DISC1: variants seen among roughly 807,000 people sequenced by gnomAD.
DISC1 encodes disrupted in schizophrenia 1 protein.
Under a neutral mutation model 84.5 loss-of-function variants are expected in DISC1, and 57 were observed. The observed-to-expected ratio is 0.67, with a 90% CI of 0.55 to 0.84. The LOEUF (loss-of-function observed/expected upper bound fraction) is 0.84, where lower values mean the gene tolerates loss of function less well. Ranked by LOEUF, DISC1 falls within the 40% of genes least tolerant of loss-of-function variation. DISC1 has a pLI of 0.00. For missense variants in DISC1, 1,000 were observed against 1,057.8 expected, an observed-to-expected ratio of 0.95 and a Z score of 0.76; for synonymous variants, 411 against 415.2, an observed-to-expected ratio of 0.99 and a Z score of 0.12.
intron 9 of DISC1, among the ~76,000 whole-genome samples, chr1:231,895,401 A>G (rs1221560684): frequency 6.6e-6 from 1 of 151,258 alleles, no homozygotes; most frequent in African/African-American, 2.4e-5. Flanking sequence ...TCCCCCATAT[A>G]TGTATCTCCC....
intron 3 of DISC1, among the ~76,000 whole-genome samples, chr1:231,741,846 C>T (rs115250627): frequency 0.011 from 1,616 of 152,262 alleles, 32 homozygotes; most frequent in African/African-American, 0.036. Flanking sequence ...ATCTCAAATC[C>T]GACCACTTTT....
chr1:231,996,496 T>G (rs560082662), intron 10 of DISC1, among the ~76,000 whole-genome samples: 1 of 152,322 alleles, frequency 6.6e-6, no homozygotes, highest in African/African-American at 2.4e-5. Context: ...TTTTCAAAGC[T>G]TCCAAGAAAT....
intron 6 of DISC1, among the ~76,000 whole-genome samples, chr1:231,780,822 A>G (rs1250337405): frequency 1.9e-5 from 2 of 103,600 alleles, no homozygotes; most frequent in African/African-American, 7.5e-5. Context: ...ATGGAATACT[A>G]TGCAGCCATA....
intron 10 of DISC1, among the ~76,000 whole-genome samples, chr1:232,006,371 T>TAAG (rs764870711): frequency 2.6e-5 from 4 of 152,124 alleles, no homozygotes; most frequent in Non-Finnish European, 2.9e-5. Flanking sequence ...GATAATGAAG[T>TAAG]CCAGGCTGAG....
At chr1:231,780,767 C>A (rs1344030991) in intron 6 of DISC1, among the ~76,000 whole-genome samples, 8 of 91,582 alleles carry the variant, frequency 8.7e-5, no homozygotes, top group African/African-American at 3.4e-4. Context: ...ACCCAGATGT[C>A]CATCAATGAT....
intron 1 of DISC1, among the ~76,000 whole-genome samples, chr1:231,650,002 T>C (rs764417474): frequency 2.6e-5 from 4 of 152,232 alleles, no homozygotes; most frequent in Non-Finnish European, 5.9e-5. Flanking sequence ...CTGATGGGTC[T>C]TGACTCTTTG....
intron 3 of DISC1, among the ~76,000 whole-genome samples, chr1:231,737,537 GT>G (rs892153582): frequency 6.6e-6 from 1 of 151,988 alleles, no homozygotes; most frequent in Non-Finnish European, 1.5e-5. Flanking sequence ...GGTGAGTTAT[GT>G]TTTTTTTGAC....
At chr1:232,033,577 C>G (rs939991349) in intron 12 of DISC1, among the ~76,000 whole-genome samples, 15 of 152,210 alleles carry the variant, frequency 9.9e-5, no homozygotes, top group Non-Finnish European at 8.8e-5. Flanking sequence ...TTCTGCTGCA[C>G]TCATAGGTAT....
intron 8 of DISC1, among the ~76,000 whole-genome samples, chr1:231,801,879 C>T (rs1196794669): frequency 2.7e-5 from 4 of 149,892 alleles, no homozygotes; most frequent in Admixed American, 1.3e-4. Flanking sequence ...AGTGCAATGG[C>T]GCGATCTCGG....
intron 4 of DISC1, among the ~76,000 whole-genome samples, chr1:231,756,713 A>G (rs1422698746): frequency 2.0e-5 from 3 of 152,170 alleles, no homozygotes; most frequent in Admixed American, 6.5e-5. Flanking sequence ...TCCACCAACC[A>G]GCTGTATATG....
At chr1:231,837,237 C>G (rs538805500) in intron 9 of DISC1, among the ~76,000 whole-genome samples, 3 of 152,222 alleles carry the variant, frequency 2.0e-5, no homozygotes, top group East Asian at 3.9e-4. Context: ...CTCATAATGA[C>G]AATTAGAAAG....
At chr1:231,841,161 A>T (rs1428131922) in intron 9 of DISC1, among the ~76,000 whole-genome samples, 1 of 152,246 alleles carries the variant, frequency 6.6e-6, no homozygotes. Flanking sequence ...CTCCACAGGT[A>T]ATTATGCAGA....
chr1:231,755,954 A>G (rs540865306), intron 4 of DISC1, among the ~76,000 whole-genome samples: 74 of 152,336 alleles, frequency 4.9e-4, no homozygotes, highest in African/African-American at 1.7e-3. Context: ...CCACAAGGCC[A>G]TGATAGAAGT....
At chr1:231,730,027 C>G (rs2071308554) in intron 3 of DISC1, among the ~76,000 whole-genome samples, 2 of 152,160 alleles carry the variant, frequency 1.3e-5, no homozygotes, top group South Asian at 4.1e-4. Flanking sequence ...AGATTATAGG[C>G]TGCAGCAATT....
rs182406721 is a variant in DISC1, at chr1:231,959,848, T to G, written c.2042+960T>G. ...AGAATGAGGAGAGCTTGCACCTGGG[T>G]CAGATGCTCCGCTCTGAGTCTGGCC... is the stretch of plus-strand genomic sequence containing the variant. On this transcript the variant is annotated intron_variant, in intron 10 of 12. Coordinates refer to ENST00000439617, the MANE Select transcript of DISC1 (RefSeq NM_018662.3). Among the ~76,000 whole-genome samples the G allele has an allele frequency of 4.4e-4, 67 of 152,298 alleles. 1 individual carries two copies. The South Asian group carries it at 9.3e-3, about 21-fold the overall frequency.
At chr1:231,852,083 G>A (rs966625870) in intron 9 of DISC1, among the ~76,000 whole-genome samples, 5 of 152,110 alleles carry the variant, frequency 3.3e-5, no homozygotes, top group Admixed American at 6.5e-5. Context: ...TTTTTCAGTC[G>A]TGGAATGGAG....
intron 9 of DISC1, among the ~76,000 whole-genome samples, chr1:231,944,720 C>T (rs1033945436): frequency 4.6e-5 from 7 of 152,150 alleles, no homozygotes; most frequent in African/African-American, 1.7e-4. Context: ...CACAGACTGG[C>T]CATACTGTGC....
intron 9 of DISC1, among the ~76,000 whole-genome samples, chr1:231,880,481 T>A (rs1318000359): frequency 6.6e-6 from 1 of 152,234 alleles, no homozygotes. Flanking sequence ...TTTGAATATT[T>A]AAAAAATTTT....
chr1:231,979,685 G>T (rs1663324654), intron 10 of DISC1, among the ~76,000 whole-genome samples: 1 of 150,416 alleles, frequency 6.6e-6, no homozygotes, highest in African/African-American at 2.4e-5. Context: ...ATAGTATACT[G>T]ATATATATAT....
Sources: gnomAD v4.1 joint callset for allele counts (sites outside exome capture counted in the v4.1 genomes callset) on GRCh38, gnomAD v4.1.1 for gene constraint, MANE v1.5 for transcripts, NCBI Gene and HGNC (gene_info 2026-07-23, HGNC 2026-07-21) for gene names.